The following MTSS1 variants were observed in gnomAD, a reference collection of about 807,000 sequenced individuals.
MTSS1 encodes MTSS I-BAR domain containing 1, also known as protein MTSS 1.
MTSS1 carries 18 observed loss-of-function variants against 79.0 expected under a neutral mutation model. The observed-to-expected ratio is 0.23, with a 90% confidence interval of 0.16 to 0.34. MTSS1 has a LOEUF of 0.34. MTSS1 is among the 10% of genes least tolerant of loss of function. The pLI, the probability that MTSS1 is intolerant of heterozygous loss-of-function variation, is 1.00. For synonymous variants in MTSS1, 341 were observed against 368.6 expected, an observed-to-expected ratio of 0.93 and a Z score of 0.86; for missense variants, 815 against 986.2, an observed-to-expected ratio of 0.83 and a Z score of 2.33.
chr8:124,724,529 G>A (rs903227498), intron 1 of MTSS1, among the ~76,000 whole-genome samples: 4 of 152,142 alleles, frequency 2.6e-5, no homozygotes, highest in Admixed American at 1.3e-4. Context: ...TTCAGCTCTC[G>A]ACATGCTGAT....
At chr8:124,707,712 GA>G (rs71289688) in intron 1 of MTSS1, among the ~76,000 whole-genome samples, 26,013 of 141,330 alleles carry the variant, frequency 0.18, 2,369 homozygotes, top group South Asian at 0.26. Context: ...CATCTCAAAA[GA>G]AAAAAAAAAA....
intron 6 of MTSS1, among the ~76,000 whole-genome samples, chr8:124,576,567 T>C (rs1828997245): frequency 6.6e-6 from 1 of 152,212 alleles, no homozygotes; most frequent in Non-Finnish European, 1.5e-5. Context: ...AGGCTTGTCA[T>C]ACCCCTTTCC....
intron 2 of MTSS1, 54 bp downstream of exon 2, chr8:124,704,076 C>A: frequency 6.5e-7 from 1 of 1,544,062 alleles, no homozygotes; most frequent in South Asian, 1.1e-5. Flanking sequence ...TGTCCCACTC[C>A]ATCCTTGTCT....
intron 1 of MTSS1, among the ~76,000 whole-genome samples, chr8:124,704,564 A>G (rs191548700): frequency 2.7e-4 from 41 of 152,260 alleles, no homozygotes; most frequent in African/African-American, 9.9e-4. Context: ...CCCAAACAAC[A>G]CCAAGCAGGG....
chr8:124,565,926 TC>T (rs1826334589), intron 8 of MTSS1, 167 bp from the exon 9 acceptor site: 1 of 520,020 alleles, frequency 1.9e-6, no homozygotes, highest in African/African-American at 1.9e-5. Flanking sequence ...CAGTACCAAA[TC>T]CATCAATATC....
intron 3 of MTSS1, among the ~76,000 whole-genome samples, chr8:124,612,574 ATGTGTGTGTG>A (rs58367314): frequency 0.021 from 2,096 of 99,568 alleles, 38 homozygotes; most frequent in East Asian, 0.034. Context: ...CAAGTTTAAA[ATGTGTGTGTG>A]TGTGTGTGTG....
chr8:124,591,153 C>T lies in MTSS1; in HGVS notation c.291G>A (p.Ser97=), dbSNP rs1453223307. 6 of 1,614,062 alleles carry T rather than the reference C, an allele frequency of 3.7e-6. No homozygotes were observed. Among genetic ancestry groups the T allele is most frequent in the Non-Finnish European group, 5.1e-6 (6 of 1,180,010 alleles). ...RSIEAKLRQF[S]SALIDCLINP... ...CGGGGCCAAAACATGCTCCTCACCT[C>T]GAAAACTGCCTCAGCTTGGCTTCAA... Residue 97 remains serine (S), a splice_region_variant and synonymous_variant, in exon 4 of 14, where the codon TCG becomes TCA. Coordinates refer to ENST00000518547, the MANE Select transcript of MTSS1 (RefSeq NM_014751.6).
chr8:124,594,141 TTTCTCTGCTTCACTGC>T (rs1832346780), intron 3 of MTSS1, among the ~76,000 whole-genome samples: 1 of 152,166 alleles, frequency 6.6e-6, no homozygotes, highest in Non-Finnish European at 1.5e-5. Context: ...CCCCACTCCG[TTTCTCTGCTTCACTGC>T]TTCTGTCACC....
At position 124,589,690 on chromosome 8, in the gene MTSS1, T is replaced by G; in HGVS notation, c.315A>C (p.Ile105=). 6.2e-7 allele frequency: 1 copy of G among 1,612,834 alleles called. No individual in the cohort carries two copies. The highest frequency in any genetic ancestry group is 8.5e-7 in the Non-Finnish European group (1 of 1,179,592). Residue 105 remains isoleucine (I), a synonymous_variant, in exon 5 of 14, where the codon ATA becomes ATC. Coordinates refer to ENST00000518547, the MANE Select transcript of MTSS1 (RefSeq NM_014751.6). The stretch of plus-strand genomic sequence containing the variant: ...CTTCCATCTGTTCTTGAAGTGGGTT[T>G]ATCAGACAATCAATTAAAGCGCTTT... ...QFSSALIDCL[I]NPLQEQMEEW...
chr8:124,556,651 A>C lies in MTSS1; in HGVS notation c.1231-246T>G, dbSNP rs370998968. The C allele has an allele frequency of 1.6e-5, 8 of 512,952 alleles. No homozygotes were observed. The East Asian group carries it at 2.3e-4, about 15-fold the overall frequency. The allele number at this position is 512,952 out of a possible 1,614,324, so 31.8% of individuals were successfully genotyped here. A position where few individuals can be genotyped will look rare whatever the true frequency, so the allele number is the denominator to read the frequency against. On this transcript the variant is annotated intron_variant, in intron 11 of 13. Coordinates refer to ENST00000518547, the MANE Select transcript of MTSS1 (RefSeq NM_014751.6). Reference sequence around the variant, plus strand: ...GCCCAAAGATTAAAAACCCTCACCCACCAGGTGGCAGCAGGAGACCCGGCA... The same window carrying C: ...GCCCAAAGATTAAAAACCCTCACCCCCCAGGTGGCAGCAGGAGACCCGGCA...
At chr8:124,584,094 T>C (rs1034579512) in intron 6 of MTSS1, among the ~76,000 whole-genome samples, 2 of 152,162 alleles carry the variant, frequency 1.3e-5, no homozygotes, top group Admixed American at 6.6e-5. Flanking sequence ...TTTATAGAAA[T>C]GTTCAAGGTT....
At chr8:124,590,804 C>T (rs1831728057) in intron 4 of MTSS1, among the ~76,000 whole-genome samples, 1 of 152,246 alleles carries the variant, frequency 6.6e-6, no homozygotes, top group Non-Finnish European at 1.5e-5. Flanking sequence ...GCACATCTCA[C>T]TCTCCAATTT....
At chr8:124,674,022 C>A (rs1824803124) in intron 3 of MTSS1, among the ~76,000 whole-genome samples, 1 of 152,214 alleles carries the variant, frequency 6.6e-6, no homozygotes. Flanking sequence ...GAAGGGGCTC[C>A]AAACCACATC....
At chr8:124,618,010 G>A (rs1303896457) in intron 3 of MTSS1, among the ~76,000 whole-genome samples, 1 of 152,096 alleles carries the variant, frequency 6.6e-6, no homozygotes, top group Non-Finnish European at 1.5e-5. Context: ...TTTCTGTCTT[G>A]GGTAAAGTAT....
intron 3 of MTSS1, among the ~76,000 whole-genome samples, chr8:124,605,528 C>G (rs771102383): frequency 6.6e-6 from 1 of 151,938 alleles, no homozygotes; most frequent in Non-Finnish European, 1.5e-5. Context: ...TGGGACTCTG[C>G]GGAGACAGCC....
At chr8:124,581,162 G>T (rs1446018126) in intron 6 of MTSS1, among the ~76,000 whole-genome samples, 1 of 151,588 alleles carries the variant, frequency 6.6e-6, no homozygotes, top group African/African-American at 2.4e-5. Context: ...TCTCTCTCAA[G>T]AAAAGTCCCT....
intron 3 of MTSS1, among the ~76,000 whole-genome samples, chr8:124,621,640 G>A (rs554343815): frequency 1.3e-3 from 193 of 152,308 alleles, no homozygotes; most frequent in African/African-American, 4.5e-3. Flanking sequence ...CACCTCCCGG[G>A]TTCAAGTGAT....
chr8:124,726,963 C>T (rs1588023002), intron 1 of MTSS1, among the ~76,000 whole-genome samples: 1 of 152,338 alleles, frequency 6.6e-6, no homozygotes, highest in East Asian at 1.9e-4. Context: ...TTTATTTCCT[C>T]TGGATGAATA....
intron 3 of MTSS1, among the ~76,000 whole-genome samples, chr8:124,690,773 T>C (rs1827810625): frequency 6.6e-6 from 1 of 152,206 alleles, no homozygotes; most frequent in South Asian, 2.1e-4. Context: ...ATCTCCTAAA[T>C]ATACGTACTT....
Sources: allele counts gnomAD v4.1 joint callset (sites outside exome capture counted in the v4.1 genomes callset), GRCh38; gene constraint gnomAD v4.1.1; transcripts MANE v1.5; gene names NCBI Gene and HGNC (gene_info 2026-07-23, HGNC 2026-07-21).